Variants in TXK observed in about 807,000 individuals in gnomAD.
TXK encodes tyrosine-protein kinase TXK.
In TXK, 60 loss-of-function variants were observed where a neutral mutation model predicts 81.0. That is an observed-to-expected ratio of 0.74 (90% CI 0.60 to 0.92). TXK has a LOEUF of 0.92. TXK is among the 40% of genes least tolerant of loss of function. The pLI is 0.00. For missense variants in TXK, 581 were observed against 638.3 expected (o/e 0.91, Z 0.97); for synonymous variants, 203 against 210.7 (o/e 0.96, Z 0.32).
intron 6 of TXK, among the ~76,000 whole-genome samples, chr4:48,102,640 G>A (rs1303900292): frequency 1.3e-5 from 2 of 152,154 alleles, no homozygotes; most frequent in African/African-American, 4.8e-5. Flanking sequence ...TCGCCCTTGT[G>A]TACAAGATGA....
chr4:48,085,918 G>A (rs1560345243), intron 10 of TXK, among the ~76,000 whole-genome samples: 1 of 152,160 alleles, frequency 6.6e-6, no homozygotes, highest in Non-Finnish European at 1.5e-5. Context: ...CTTCCTGGAT[G>A]CCATACAAGG....
chr4:48,092,690 G>A (rs570081444), intron 8 of TXK, among the ~76,000 whole-genome samples: 1 of 152,310 alleles, frequency 6.6e-6, no homozygotes, highest in African/African-American at 2.4e-5. Flanking sequence ...AAGCTAAAGG[G>A]AGACAGTCAG....
At chr4:48,114,324 A>C (rs1447894282) in intron 2 of TXK, 24 bp downstream of exon 2, 3 of 1,612,950 alleles carry the variant, frequency 1.9e-6, no homozygotes, top group African/African-American at 2.7e-5. Context: ...ATTTTCAAGA[A>C]ATTGCCCTCG....
Position 48,073,925 on chromosome 4 carries a change from A to T in TXK, c.1357+10T>A. On this transcript the variant is annotated intron_variant, in intron 13 of 14. Transcript: ENST00000264316. ...TCAAGCTCCAGCAAGTGAACATCAG[A>T]TGCACTCACCAAATGACCAGACATC... is the stretch of plus-strand genomic sequence containing the variant. The T allele has an allele frequency of 6.5e-7, 1 of 1,535,770 alleles. No individual in the cohort carries two copies. The highest frequency in any genetic ancestry group is 1.1e-5 in the South Asian group (1 of 87,186).
intron 7 of TXK, 30 bp downstream of exon 7, chr4:48,095,113 T>C (rs1321069738): frequency 5.9e-6 from 9 of 1,533,548 alleles, no homozygotes; most frequent in Non-Finnish European, 8.1e-6. Flanking sequence ...AGGGATTATT[T>C]CTATAGTAAC....
intron 1 of TXK, among the ~76,000 whole-genome samples, chr4:48,120,691 A>C (rs1718934919): frequency 6.6e-6 from 1 of 152,022 alleles, no homozygotes; most frequent in African/African-American, 2.4e-5. Context: ...GGGTTTCACC[A>C]TTTTGGCTAG....
intron 10 of TXK, among the ~76,000 whole-genome samples, chr4:48,080,336 G>A (rs1354432961): frequency 6.6e-6 from 1 of 152,188 alleles, no homozygotes; most frequent in Admixed American, 6.5e-5. Flanking sequence ...TAATGCCAGA[G>A]GCAGAGTGGA....
chr4:48,109,105 T>C (rs1287648831), intron 5 of TXK, among the ~76,000 whole-genome samples: 1 of 152,202 alleles, frequency 6.6e-6, no homozygotes, highest in African/African-American at 2.4e-5. Context: ...AGGCCTGTTT[T>C]TGTTGGTCAG....
At chr4:48,121,594 C>T (rs1163426217) in intron 1 of TXK, among the ~76,000 whole-genome samples, 1 of 152,176 alleles carries the variant, frequency 6.6e-6, no homozygotes, top group Non-Finnish European at 1.5e-5. Flanking sequence ...CTCACATATA[C>T]TTTAAATCAT....
intron 14 of TXK, among the ~76,000 whole-genome samples, chr4:48,068,925 GCCTGTTTCTGCGCATGAAT>G (rs1483925685): frequency 6.6e-6 from 1 of 152,238 alleles, no homozygotes; most frequent in African/African-American, 2.4e-5. Flanking sequence ...TCTGTGAGGA[GCCTGTTTCTGCGCATGAAT>G]CCTGAAATTT....
intron 13 of TXK, among the ~76,000 whole-genome samples, 186 bp from the exon 14 acceptor site, chr4:48,071,860 A>C (rs1372799213): frequency 6.6e-6 from 1 of 152,088 alleles, no homozygotes; most frequent in Non-Finnish European, 1.5e-5. Context: ...GAGGCCTGTA[A>C]CCTGAAAATA....
chr4:48,095,901 T>C (rs904675345), intron 6 of TXK, among the ~76,000 whole-genome samples: 1 of 152,242 alleles, frequency 6.6e-6, no homozygotes, highest in African/African-American at 2.4e-5. Flanking sequence ...GAATGTTGCA[T>C]TGTTTAGATT....
At chr4:48,113,106 G>A in intron 3 of TXK, 101 bp downstream of exon 3, 1 of 709,968 alleles carries the variant, frequency 1.4e-6, no homozygotes, top group East Asian at 2.5e-5. Flanking sequence ...TTTATGCCAA[G>A]CAGGATACTA....
intron 1 of TXK, among the ~76,000 whole-genome samples, chr4:48,121,724 C>T (rs1718968377): frequency 6.6e-6 from 1 of 152,048 alleles, no homozygotes; most frequent in African/African-American, 2.4e-5. Context: ...ACAGACACAA[C>T]CATCCTTTTT....
chr4:48,084,443 C>T (rs1416189559), intron 10 of TXK, among the ~76,000 whole-genome samples: 2 of 152,158 alleles, frequency 1.3e-5, no homozygotes, highest in East Asian at 3.8e-4. Context: ...CTCATTATGA[C>T]ATTAAACATC....
intron 1 of TXK, among the ~76,000 whole-genome samples, chr4:48,123,766 T>C (rs1719015659): frequency 2.0e-5 from 3 of 152,124 alleles, no homozygotes; most frequent in Admixed American, 1.3e-4. Flanking sequence ...ATTCACCCCA[T>C]ATACCCATTT....
intron 6 of TXK, 119 bp downstream of exon 6, chr4:48,104,782 G>T: frequency 2.8e-6 from 2 of 702,690 alleles, no homozygotes; most frequent in Non-Finnish European, 4.8e-6. Flanking sequence ...TATATAGTTG[G>T]GATGTAATGA....
intron 1 of TXK, among the ~76,000 whole-genome samples, chr4:48,125,425 G>A (rs1356305880): frequency 1.3e-5 from 2 of 151,944 alleles, no homozygotes; most frequent in Non-Finnish European, 2.9e-5. Flanking sequence ...AGACAAAATG[G>A]AGGAAGAAGG....
At chr4:48,074,302 C>T (rs1175158772) in intron 12 of TXK, among the ~76,000 whole-genome samples, 2 of 152,138 alleles carry the variant, frequency 1.3e-5, no homozygotes, top group Non-Finnish European at 2.9e-5. Context: ...AAACATGGCT[C>T]ACTGTTTATG....
Sources: gnomAD v4.1 joint callset for allele counts (sites outside exome capture counted in the v4.1 genomes callset) on GRCh38, gnomAD v4.1.1 for gene constraint, MANE v1.5 for transcripts, NCBI Gene and HGNC (gene_info 2026-07-23, HGNC 2026-07-21) for gene names.